ARID2: variants seen among roughly 807,000 people sequenced by gnomAD.
ARID2 encodes AT-rich interactive domain-containing protein 2.
A neutral mutation model predicts 184.6 loss-of-function variants in ARID2; 32 were observed. The ratio of observed to expected loss-of-function variants is 0.17; its 90% CI spans 0.13 to 0.23. The LOEUF is 0.23. Among genes scored for constraint, ARID2 ranks in the 10% least tolerant of loss-of-function variants. ARID2 has a pLI of 1.00. For synonymous variants in ARID2, 836 were observed against 772.6 expected (o/e 1.08, Z -1.36); for missense variants, 1,696 against 2,197.6 (o/e 0.77, Z 4.56).
chr12:45,801,641 A>G (rs998726450), intron 3 of ARID2, among the ~76,000 whole-genome samples: 4 of 152,204 alleles, frequency 2.6e-5, no homozygotes, highest in Non-Finnish European at 5.9e-5. Flanking sequence ...CTCTGTGTCT[A>G]ATTTAATTAT....
At chr12:45,894,527 C>T (rs1247383807) in intron 20 of ARID2, among the ~76,000 whole-genome samples, 3 of 152,078 alleles carry the variant, frequency 2.0e-5, no homozygotes, top group Non-Finnish European at 4.4e-5. Context: ...GACCTTTAAA[C>T]TGAATTTTCT....
At chr12:45,745,548 TTTA>T (rs996762621) in intron 3 of ARID2, among the ~76,000 whole-genome samples, 2 of 152,274 alleles carry the variant, frequency 1.3e-5, no homozygotes, top group African/African-American at 4.8e-5. Context: ...GGGGCCTTTA[TTTA>T]TTATTATTAT....
intron 15 of ARID2, among the ~76,000 whole-genome samples, chr12:45,854,176 C>T (rs1025449694): frequency 5.3e-5 from 8 of 152,156 alleles, no homozygotes; most frequent in African/African-American, 1.7e-4. Context: ...CTCCCATTCC[C>T]CAGATGGGAC....
chr12:45,819,673 A>G (rs1592096505), intron 5 of ARID2, among the ~76,000 whole-genome samples: 1 of 151,864 alleles, frequency 6.6e-6, no homozygotes, highest in Non-Finnish European at 1.5e-5. Flanking sequence ...TCATTTTTCA[A>G]TTTTATATTT....
At chr12:45,738,813 T>G (rs867809912) in intron 3 of ARID2, among the ~76,000 whole-genome samples, 1 of 128,206 alleles carries the variant, frequency 7.8e-6, no homozygotes, top group Non-Finnish European at 1.7e-5. Context: ...TTTTTTTTTT[T>G]AAGGCTTTAG....
chr12:45,742,551 A>G (rs1467794672), intron 3 of ARID2, among the ~76,000 whole-genome samples: 3 of 152,208 alleles, frequency 2.0e-5, no homozygotes, highest in East Asian at 1.9e-4. Flanking sequence ...CATTAAAAAT[A>G]TATATTTTGC....
chr12:45,820,050 G>A (rs1032005643), intron 5 of ARID2, among the ~76,000 whole-genome samples: 17 of 151,910 alleles, frequency 1.1e-4, no homozygotes, highest in African/African-American at 3.6e-4. Flanking sequence ...GGCCCCTAGG[G>A]AAGTTTTTTA....
chr12:45,754,617 A>C (rs1225250852), intron 3 of ARID2, among the ~76,000 whole-genome samples: 3 of 152,342 alleles, frequency 2.0e-5, no homozygotes, highest in African/African-American at 7.2e-5. Context: ...CCTTTTCTAA[A>C]AAGCCTTTTC....
chr12:45,834,714 T>G (rs1490254121), intron 6 of ARID2, among the ~76,000 whole-genome samples: 1 of 152,236 alleles, frequency 6.6e-6, no homozygotes, highest in African/African-American at 2.4e-5. Flanking sequence ...CACTCTAGCC[T>G]GGGTGATAGA....
At position 45,860,880 on chromosome 12, in the gene ARID2, C is replaced by A. The variant is rs144553917; in HGVS notation, c.4853C>A (p.Ser1618Tyr). The change falls in exon 16 of 21, where the codon TCC becomes TAC. Residue 1618 changes from serine (S) to tyrosine (Y), a missense_variant. Physicochemically the swap from Ser to Tyr is moderately radical, Grantham distance 144 (BLOSUM62 -2). This residue lies in a region of ARID2 where 111 missense variants were observed against 154.0 expected (regional missense o/e 0.72). Transcript: ENST00000334344. ...NSSQPSPFSG[S>Y]SQPGDPMRKP... is the part of the protein sequence containing the mutation. ...TCTCAGCCTTCTCCATTCAGTGGAT[C>A]CAGTCAGCCTGGAGATCCAATGAGA... 9.3e-5 allele frequency: 150 copies of A among 1,605,608 alleles called. No homozygotes were observed. In the Middle Eastern group the frequency reaches 3.8e-3, roughly 41 times the overall value.
intron 3 of ARID2, among the ~76,000 whole-genome samples, chr12:45,736,993 A>G (rs1941139749): frequency 6.6e-6 from 1 of 152,246 alleles, no homozygotes; most frequent in Non-Finnish European, 1.5e-5. Context: ...ATGCACAACT[A>G]TACATTTTCT....
chr12:45,838,550 C>T (rs1943264025), intron 10 of ARID2, among the ~76,000 whole-genome samples: 1 of 152,062 alleles, frequency 6.6e-6, no homozygotes, highest in African/African-American at 2.4e-5. Context: ...GGAAAATCAC[C>T]TGAGCACAGT....
At chr12:45,853,023 C>T (rs1943585788) in intron 15 of ARID2, 127 bp downstream of exon 15, 10 of 1,329,376 alleles carry the variant, frequency 7.5e-6, no homozygotes, top group Non-Finnish European at 9.7e-6. Flanking sequence ...TTGTATCCAA[C>T]CTGTCCTTTT....
intron 6 of ARID2, among the ~76,000 whole-genome samples, chr12:45,833,198 T>C (rs1174064444): frequency 6.6e-6 from 1 of 152,198 alleles, no homozygotes; most frequent in Admixed American, 6.5e-5. Flanking sequence ...TTTTTTGACT[T>C]TACTATGGTT....
chr12:45,818,855 TAAATA>T (rs1485311426), intron 5 of ARID2, among the ~76,000 whole-genome samples: 3 of 152,158 alleles, frequency 2.0e-5, no homozygotes, highest in Non-Finnish European at 4.4e-5. Context: ...ATTTTGAAAT[TAAATA>T]AAAGTAAAAA....
At chr12:45,902,950 G>T (rs1475036879) in intron 20 of ARID2, among the ~76,000 whole-genome samples, 1 of 152,038 alleles carries the variant, frequency 6.6e-6, no homozygotes, top group Non-Finnish European at 1.5e-5. Flanking sequence ...GAAGTGTAAA[G>T]TTCAGTGAAT....
At chr12:45,855,533 T>A (rs1457631291) in intron 15 of ARID2, among the ~76,000 whole-genome samples, 1 of 152,176 alleles carries the variant, frequency 6.6e-6, no homozygotes, top group Non-Finnish European at 1.5e-5. Context: ...ATGGGGAAGG[T>A]ATGCTTTATC....
At chr12:45,757,650 T>A (rs1941594333) in intron 3 of ARID2, among the ~76,000 whole-genome samples, 1 of 152,174 alleles carries the variant, frequency 6.6e-6, no homozygotes, top group Non-Finnish European at 1.5e-5. Flanking sequence ...GTAAAAACAG[T>A]TAACATTCAT....
intron 16 of ARID2, among the ~76,000 whole-genome samples, chr12:45,873,812 G>A (rs1460345544): frequency 1.3e-5 from 2 of 152,204 alleles, no homozygotes; most frequent in African/African-American, 2.4e-5. Context: ...CCTTTAGCAA[G>A]TCATCATCTT....
Sources: allele counts gnomAD v4.1 joint callset (sites outside exome capture counted in the v4.1 genomes callset), GRCh38; gene constraint gnomAD v4.1.1; regional missense constraint gnomAD v4.1.1; transcripts MANE v1.5; gene names NCBI Gene and HGNC (gene_info 2026-07-23, HGNC 2026-07-21).